MBNL2: variants seen among roughly 807,000 people sequenced by gnomAD.
MBNL2 encodes muscleblind-like protein 2.
A neutral mutation model predicts 41.9 loss-of-function variants in MBNL2; 17 were observed. The observed-to-expected ratio is 0.41, with a 90% confidence interval of 0.28 to 0.61. The LOEUF is 0.61. Among genes scored for constraint, MBNL2 ranks in the 20% least tolerant of loss-of-function variants. MBNL2 has a pLI of 0.35. For missense variants in MBNL2, 336 were observed against 505.6 expected (o/e 0.66, Z 3.22); for synonymous variants, 195 against 182.9 (o/e 1.07, Z -0.53).
the MBNL2 span, among the ~76,000 whole-genome samples, chr13:97,161,138 G>C: frequency 6.6e-6 from 1 of 152,082 alleles, no homozygotes; most frequent in Non-Finnish European, 1.5e-5. Context: ...GCATAGTAAG[G>C]TCTGAAAAGC....
chr13:97,373,437 A>C (rs1014389488), intron 8 of MBNL2, among the ~76,000 whole-genome samples: 28 of 151,804 alleles, frequency 1.8e-4, no homozygotes, highest in Admixed American at 1.2e-3. Flanking sequence ...GGAAGGATTG[A>C]GATTGAAACC....
rs532765161 is a variant in MBNL2 at position 97,229,558 on chromosome 13, AC to A, written c.-605+7028del. 2.5e-3 allele frequency among the ~76,000 whole-genome samples: 379 copies of A among 152,280 alleles called. 2 individuals carry two copies. Among genetic ancestry groups the A allele is most frequent in the African/African-American group, 8.4e-3 (349 of 41,550 alleles). ...GTGGTTGTTTCTGATCTAAAAAAAAACATTCTGATAAGAATGTATGATCAAA... is the reference window on the plus strand; with the variant it reads ...GTGGTTGTTTCTGATCTAAAAAAAAAATTCTGATAAGAATGTATGATCAAA... On this transcript the variant is annotated intron_variant, in intron 1 of 8. Coordinates refer to ENST00000679496, the MANE Select transcript of MBNL2 (RefSeq NM_001382683.1).
the MBNL2 span, among the ~76,000 whole-genome samples, chr13:97,211,268 G>T: frequency 6.6e-6 from 1 of 152,114 alleles, no homozygotes; most frequent in African/African-American, 2.4e-5. Context: ...GGACTGCTTT[G>T]CGAAATAAAA....
At chr13:97,147,133 G>T in the MBNL2 span, among the ~76,000 whole-genome samples, 1 of 152,208 alleles carries the variant, frequency 6.6e-6, no homozygotes, top group African/African-American at 2.4e-5. Context: ...ACTATGGTTG[G>T]CTCTCTTGCT....
rs766509855 is a variant in MBNL2, at chr13:97,346,158, GTAGA to G, written c.541-640_541-637del. ...GGACGGATAGATAGATGGTAGGTAG[GTAGA>G]TAGATGATAGATAATATTAGGTTGG... On this transcript the variant is annotated intron_variant, in intron 4 of 8. Coordinates refer to ENST00000679496, the MANE Select transcript of MBNL2 (RefSeq NM_001382683.1). This position sits in a 1 kb window ranked among gnomAD's most constrained non-coding sequence, Gnocchi z 4.2. Among the ~76,000 whole-genome samples, 6 of 152,068 alleles carry G rather than the reference GTAGA, an allele frequency of 3.9e-5. No individual in the cohort carries two copies. The highest frequency in any genetic ancestry group is 7.4e-5 in the Non-Finnish European group (5 of 68,022).
At chr13:97,375,102 C>T (rs1182879316) in intron 8 of MBNL2, among the ~76,000 whole-genome samples, 4 of 152,156 alleles carry the variant, frequency 2.6e-5, no homozygotes, top group African/African-American at 7.2e-5. Flanking sequence ...ATGTGGAGGA[C>T]GGACAAACCC....
the MBNL2 span, among the ~76,000 whole-genome samples, chr13:97,210,841 G>A: frequency 6.6e-6 from 1 of 151,996 alleles, no homozygotes; most frequent in East Asian, 1.9e-4. Flanking sequence ...GTTATTTGCT[G>A]TGAGACCAAA....
chr13:97,153,018 G>A, the MBNL2 span, among the ~76,000 whole-genome samples: 4 of 152,090 alleles, frequency 2.6e-5, no homozygotes, highest in Non-Finnish European at 5.9e-5. Context: ...CAGACCTAAT[G>A]TGTCTATATA....
the MBNL2 span, among the ~76,000 whole-genome samples, chr13:97,155,355 A>G: frequency 6.8e-6 from 1 of 146,186 alleles, no homozygotes; most frequent in Non-Finnish European, 1.5e-5. Context: ...CAAGGTCATT[A>G]TATTTACTGA....
At chr13:97,344,463 ATGT>A (rs2061677648) in intron 4 of MBNL2, among the ~76,000 whole-genome samples, 1 of 152,220 alleles carries the variant, frequency 6.6e-6, no homozygotes. Flanking sequence ...TGTTCTTTCA[ATGT>A]GCATTTGTTT....
chr13:97,381,278 C>T (rs2065435197), intron 8 of MBNL2, among the ~76,000 whole-genome samples: 1 of 152,130 alleles, frequency 6.6e-6, no homozygotes, highest in Non-Finnish European at 1.5e-5. Context: ...AGTCCAGTAC[C>T]TTACATTAAT....
At chr13:97,382,672 ATTTTTTT>A (rs72001733) in intron 8 of MBNL2, among the ~76,000 whole-genome samples, 8 of 125,636 alleles carry the variant, frequency 6.4e-5, no homozygotes, top group South Asian at 2.5e-4. Context: ...TCTGCCAACT[ATTTTTTT>A]TTTTTTTTTT....
chr13:97,337,856 G>A (rs1279441255), intron 3 of MBNL2, among the ~76,000 whole-genome samples: 2 of 152,186 alleles, frequency 1.3e-5, no homozygotes, highest in Non-Finnish European at 2.9e-5. Context: ...ACCTAGTAGA[G>A]TATAGGTGGC....
At chr13:97,187,915 A>AT in the MBNL2 span, among the ~76,000 whole-genome samples, 2 of 151,960 alleles carry the variant, frequency 1.3e-5, no homozygotes, top group African/African-American at 2.4e-5. Flanking sequence ...TCAAAAAAAA[A>AT]AAAAAAGAAA....
At chr13:97,155,590 C>T in the MBNL2 span, among the ~76,000 whole-genome samples, 3 of 148,668 alleles carry the variant, frequency 2.0e-5, 1 homozygote, top group East Asian at 4.0e-4. Context: ...TGTTCCCCTT[C>T]CTGTGTCCAT....
chr13:97,276,006 G>T lies in MBNL2; in HGVS notation c.-230G>T. ...GAAAGCCAGAGATGACACTGAGCAT[G>T]CTTTTATTGCGGCCTACCATCTTTA... is the stretch of plus-strand genomic sequence containing the variant. On this transcript the variant is annotated 5_prime_UTR_variant, in exon 2 of 9. The change abolishes an upstream ATG in the 5' untranslated region. Transcript: ENST00000679496. The T allele has an allele frequency of 2.3e-6, 1 of 439,498 alleles. No homozygotes were observed. The highest frequency in any genetic ancestry group is 3.9e-5 in the Admixed American group (1 of 25,746). 27.2% of individuals were successfully genotyped at this position (439,498 alleles called of 1,614,324 possible).
chr13:97,189,259 T>G, the MBNL2 span, among the ~76,000 whole-genome samples: 6 of 152,196 alleles, frequency 3.9e-5, no homozygotes, highest in Non-Finnish European at 7.3e-5. Context: ...TCGATTTAAT[T>G]ACCTGTATCT....
At chr13:97,250,154 G>C (rs928618847) in intron 1 of MBNL2, among the ~76,000 whole-genome samples, 2 of 152,032 alleles carry the variant, frequency 1.3e-5, no homozygotes, top group Non-Finnish European at 2.9e-5. Context: ...TTCTTAGGTT[G>C]AATCTTTGTT....
intron 2 of MBNL2, among the ~76,000 whole-genome samples, chr13:97,292,412 G>T (rs2056305817): frequency 6.6e-6 from 1 of 152,082 alleles, no homozygotes; most frequent in African/African-American, 2.4e-5. Flanking sequence ...CCCTTGGACT[G>T]CTTCTGTAGA....
Sources: gnomAD v4.1 joint callset for allele counts (sites outside exome capture counted in the v4.1 genomes callset) on GRCh38, gnomAD v4.1.1 for gene constraint, Gnocchi (gnomAD v3.1) non-coding constraint, MANE v1.5 for transcripts, NCBI Gene and HGNC (gene_info 2026-07-23, HGNC 2026-07-21) for gene names.